HBS1L: variants seen among roughly 807,000 people sequenced by gnomAD.
The protein encoded by HBS1L is HBS1-like protein.
HBS1L carries 55 observed loss-of-function variants against 88.9 expected under a neutral mutation model. The ratio of observed to expected loss-of-function variants is 0.62; its 90% CI spans 0.50 to 0.77. The LOEUF (loss-of-function observed/expected upper bound fraction) is 0.77, where lower values mean the gene tolerates loss of function less well. Among genes scored for constraint, HBS1L ranks in the 30% least tolerant of loss-of-function variants. HBS1L has a pLI of 0.00. For missense variants in HBS1L, 741 were observed against 829.3 expected, an observed-to-expected ratio of 0.89 and a Z score of 1.31; for synonymous variants, 267 against 288.5, an observed-to-expected ratio of 0.93 and a Z score of 0.76.
intron 13 of HBS1L, 51 bp downstream of exon 13, chr6:134,982,407 T>G: frequency 1.8e-6 from 2 of 1,114,836 alleles, no homozygotes; most frequent in East Asian, 4.8e-5. Flanking sequence ...TTTAAAAATC[T>G]GCTGTCTCAA....
intron 4 of HBS1L, among the ~76,000 whole-genome samples, chr6:135,019,873 A>G (rs3756799): frequency 0.47 from 70,510 of 151,628 alleles, 16,768 homozygotes; most frequent in South Asian, 0.56. Flanking sequence ...AAAGCAATTA[A>G]TAAAGGAAAA....
intron 17 of HBS1L, among the ~76,000 whole-genome samples, 181 bp from the exon 18 acceptor site, chr6:134,965,471 A>G (rs1241656647): frequency 2.0e-5 from 3 of 152,176 alleles, no homozygotes; most frequent in Admixed American, 6.5e-5. Context: ...TCTCTCCATT[A>G]TTCTCCACAA....
chr6:135,036,934 T>A (rs1237604875), intron 4 of HBS1L: 2 of 1,551,518 alleles, frequency 1.3e-6, no homozygotes, highest in African/African-American at 1.4e-5. Flanking sequence ...AATGGATGGG[T>A]CTACTACAGG....
In HBS1L at chr6:134,997,037, T is replaced by A. The variant is rs866603979; in HGVS notation, c.800-95A>T. Reference sequence around the variant, plus strand: ...TGTGTAATTCAATATTTCATGTCAGTGGTTTACAGTAATACCAGTATTTAT... The same window carrying A: ...TGTGTAATTCAATATTTCATGTCAGAGGTTTACAGTAATACCAGTATTTAT... On this transcript the variant is annotated intron_variant, in intron 6 of 17. Coordinates refer to ENST00000367837, the MANE Select transcript of HBS1L (RefSeq NM_006620.4). 17 of 892,456 alleles carry A rather than the reference T, an allele frequency of 1.9e-5. 1 individual carries two copies. The Middle Eastern group carries it at 6.8e-4, about 36-fold the overall frequency. The allele number at this position is 892,456 out of a possible 1,614,324, so 55.3% of individuals were successfully genotyped here.
intron 7 of HBS1L, among the ~76,000 whole-genome samples, chr6:134,994,513 A>G (rs1312571106): frequency 6.6e-6 from 1 of 152,152 alleles, no homozygotes; most frequent in Non-Finnish European, 1.5e-5. Flanking sequence ...GAAGCTTTTC[A>G]AATTACAGAC....
intron 4 of HBS1L, among the ~76,000 whole-genome samples, chr6:135,019,577 G>A (rs980267979): frequency 1.4e-4 from 22 of 151,770 alleles, no homozygotes; most frequent in Admixed American, 4.6e-4. Flanking sequence ...TAGATTCGGC[G>A]TAATCCTTAT....
chr6:135,038,431 A>C (rs1776626066), intron 4 of HBS1L, among the ~76,000 whole-genome samples: 1 of 152,244 alleles, frequency 6.6e-6, no homozygotes, highest in African/African-American at 2.4e-5. Flanking sequence ...GAAACAAATA[A>C]GCAAACAACC....
intron 4 of HBS1L, among the ~76,000 whole-genome samples, chr6:135,018,737 T>G (rs1280911597): frequency 2.0e-5 from 3 of 151,842 alleles, no homozygotes; most frequent in Non-Finnish European, 4.4e-5. Flanking sequence ...CCTTTTTGCT[T>G]TACAGAATGA....
intron 15 of HBS1L, among the ~76,000 whole-genome samples, chr6:134,976,530 A>T (rs769021448): frequency 6.6e-6 from 1 of 152,162 alleles, no homozygotes; most frequent in Non-Finnish European, 1.5e-5. Flanking sequence ...CAATGAGTGG[A>T]TAGAGAAAAC....
intron 7 of HBS1L, among the ~76,000 whole-genome samples, chr6:134,995,775 T>G (rs374347186): frequency 4.6e-5 from 7 of 152,148 alleles, no homozygotes; most frequent in African/African-American, 1.2e-4. Flanking sequence ...GTCCAGCTAA[T>G]TTTTCTTACT....
At chr6:134,979,096 C>A in intron 14 of HBS1L, 82 bp downstream of exon 14, 1 of 927,316 alleles carries the variant, frequency 1.1e-6, no homozygotes, top group Non-Finnish European at 1.7e-6. Flanking sequence ...CAAAATTGAA[C>A]TAGCAGGTTG....
intron 1 of HBS1L, among the ~76,000 whole-genome samples, chr6:135,053,307 G>C (rs189622588): frequency 9.1e-4 from 138 of 152,174 alleles, no homozygotes; most frequent in Non-Finnish European, 1.7e-3. Context: ...TCTGTAACTC[G>C]TATAATCTTC....
At chr6:134,966,203 G>T in intron 17 of HBS1L, 126 bp downstream of exon 17, 1 of 769,746 alleles carries the variant, frequency 1.3e-6, no homozygotes, top group Non-Finnish European at 2.0e-6. Context: ...CCTAAAATGA[G>T]TAAGGCTTCT....
At chr6:134,979,350 T>A in intron 13 of HBS1L, 82 bp from the exon 14 acceptor site, 1 of 962,492 alleles carries the variant, frequency 1.0e-6, no homozygotes, top group Non-Finnish European at 1.7e-6. Flanking sequence ...GGCTGATTTG[T>A]GCTTCATCAG....
chr6:134,994,364 A>T (rs1487507638), intron 7 of HBS1L, among the ~76,000 whole-genome samples: 1 of 152,180 alleles, frequency 6.6e-6, no homozygotes, highest in Non-Finnish European at 1.5e-5. Context: ...ATATCAAAGC[A>T]GATGCCTAAT....
At position 135,042,007 on chromosome 6, in the gene HBS1L, C is replaced by A; in HGVS notation, c.229G>T (p.Asp77Tyr). Residue 77 changes from aspartate to tyrosine, a missense_variant, in exon 3 of 18, where the codon GAT becomes TAT. Physicochemically the swap from Asp to Tyr is radical, Grantham distance 160. This residue lies in a region of HBS1L where 556 missense variants were observed against 598.4 expected (regional missense o/e 0.93). Coordinates refer to ENST00000367837, the MANE Select transcript of HBS1L (RefSeq NM_006620.4). ...ACACTACTTTTTGCTATACCTTGAT[C>A]AAATCCACTGAGCTGATGGTTTGAA... ...SVSNHQLSGF[D>Y]QARLYSCLDH... The A allele has an allele frequency of 6.2e-7, 1 of 1,612,818 alleles. No individual in the cohort carries two copies. The highest frequency in any genetic ancestry group is 1.1e-5 in the South Asian group (1 of 90,920).
intron 1 of HBS1L, among the ~76,000 whole-genome samples, chr6:135,051,298 A>AT (rs1444887841): frequency 1.3e-5 from 2 of 152,150 alleles, no homozygotes; most frequent in Non-Finnish European, 2.9e-5. Flanking sequence ...GAAATAAACC[A>AT]TTTTTTTCAC....
intron 15 of HBS1L, among the ~76,000 whole-genome samples, chr6:134,976,695 A>G (rs1294156615): frequency 6.6e-6 from 1 of 152,078 alleles, no homozygotes; most frequent in Non-Finnish European, 1.5e-5. Flanking sequence ...AGTGGGAGCT[A>G]AGCTATGGGT....
rs112876647 is a variant in HBS1L, at chr6:134,979,297, A to G, written c.1598-29T>C. The G allele has an allele frequency of 2.4e-5, 36 of 1,508,306 alleles. No homozygotes were observed. In the African/African-American group the frequency reaches 4.8e-4, roughly 20 times the overall value. The allele number at this position is 1,508,306 out of a possible 1,614,324, so 93.4% of individuals were successfully genotyped here. A position where few individuals can be genotyped will look rare whatever the true frequency, so the allele number is the denominator to read the frequency against. On this transcript the variant is annotated intron_variant, in intron 13 of 17. Transcript: ENST00000367837. The stretch of plus-strand genomic sequence containing the variant: ...GAAATGAGTAAGAACCAAAGCATAC[A>G]GTGAAACACCTCGATATCAAACCAT...
Sources: gnomAD v4.1 joint callset for allele counts (sites outside exome capture counted in the v4.1 genomes callset) on GRCh38, gnomAD v4.1.1 for gene constraint, gnomAD v4.1.1 regional missense constraint, MANE v1.5 for transcripts, NCBI Gene and HGNC (gene_info 2026-07-23, HGNC 2026-07-21) for gene names.